AGAP1: variants seen among roughly 807,000 people sequenced by gnomAD.
The protein encoded by AGAP1 is ArfGAP with GTPase domain, ankyrin repeat and PH domain 1, also known as arf-GAP with GTPase, ANK repeat and PH domain-containing protein 1.
Under a neutral mutation model 105.3 loss-of-function variants are expected in AGAP1, and 29 were observed. The ratio of observed to expected loss-of-function variants is 0.28; its 90% CI spans 0.21 to 0.38. The LOEUF (loss-of-function observed/expected upper bound fraction) is 0.38, where lower values mean the gene tolerates loss of function less well. AGAP1 is among the 10% of genes least tolerant of loss of function. The pLI, the probability that AGAP1 is intolerant of heterozygous loss-of-function variation, is 1.00. For synonymous variants in AGAP1, 509 were observed against 485.9 expected (o/e 1.05, Z -0.63); for missense variants, 998 against 1,165.1 (o/e 0.86, Z 2.09).
At chr2:235,667,325 A>G (rs2149348522) in intron 1 of AGAP1, among the ~76,000 whole-genome samples, 1 of 152,316 alleles carries the variant, frequency 6.6e-6, no homozygotes, top group East Asian at 1.9e-4. Flanking sequence ...AGTCTGTGAA[A>G]GTTTGCTAAA....
chr2:235,591,964 G>GC (rs1385992186), intron 1 of AGAP1, among the ~76,000 whole-genome samples: 5 of 151,520 alleles, frequency 3.3e-5, no homozygotes, highest in Non-Finnish European at 7.4e-5. Context: ...AAGAGCAGAT[G>GC]CTGCTACCAG....
chr2:235,983,860 T>A lies in AGAP1; in HGVS notation c.1645+15237T>A, dbSNP rs1305099894. On this transcript the variant is annotated intron_variant, in intron 13 of 17. Transcript: ENST00000304032. The surrounding 1 kb of genome is among the most constrained non-coding windows in gnomAD (Gnocchi z 4.5). ...ATGACAAAATCGCCTAACGACACAT[T>A]TCTCAGAATGCATCACTTAACGATG... Among the ~76,000 whole-genome samples the A allele has an allele frequency of 6.6e-6, 1 of 152,222 alleles. No individual in the cohort carries two copies. Among genetic ancestry groups the A allele is most frequent in the Non-Finnish European group, 1.5e-5 (1 of 68,028 alleles).
At chr2:236,074,250 G>A (rs2058579589) in intron 16 of AGAP1, among the ~76,000 whole-genome samples, 1 of 152,202 alleles carries the variant, frequency 6.6e-6, no homozygotes, top group African/African-American at 2.4e-5. Flanking sequence ...CCCTCTGCAA[G>A]GGAGAGGCTA....
Position 235,905,284 on chromosome 2 carries a change from G to A in AGAP1, c.1156-3454G>A, listed in dbSNP as rs1575744268. 6.6e-6 allele frequency among the ~76,000 whole-genome samples: 1 copy of A among 152,126 alleles called. No individual in the cohort carries two copies. The highest frequency in any genetic ancestry group is 1.5e-5 in the Non-Finnish European group (1 of 68,032). On this transcript the variant is annotated intron_variant, in intron 10 of 17. Transcript: ENST00000304032. This position sits in a 1 kb window ranked among gnomAD's most constrained non-coding sequence, Gnocchi z 4.2. ...TTGTATTTTAATTTGTTAAGAATTGGCATTAAGGAAGAAAGTTATAGCAAG... is the reference window on the plus strand; with the variant it reads ...TTGTATTTTAATTTGTTAAGAATTGACATTAAGGAAGAAAGTTATAGCAAG...
chr2:235,627,963 G>C (rs1488380300), intron 1 of AGAP1, among the ~76,000 whole-genome samples: 1 of 152,136 alleles, frequency 6.6e-6, no homozygotes, highest in African/African-American at 2.4e-5. Context: ...GGTGCGTTTG[G>C]TGGAAAAGAA....
intron 16 of AGAP1, among the ~76,000 whole-genome samples, chr2:236,084,768 G>A (rs1161627003): frequency 1.3e-5 from 2 of 151,948 alleles, no homozygotes; most frequent in African/African-American, 4.8e-5. Flanking sequence ...GCCAGGCATG[G>A]TGGTGGGCGC....
intron 6 of AGAP1, among the ~76,000 whole-genome samples, chr2:235,776,767 G>T (rs114692154): frequency 3.2e-4 from 48 of 152,216 alleles, no homozygotes; most frequent in Non-Finnish European, 5.9e-4. Context: ...CTGCAAGCTC[G>T]CACCCTTTCC....
chr2:235,799,659 G>A lies in AGAP1; in HGVS notation c.957+137G>A. Reference sequence around the variant, plus strand: ...AGTGAATAACATTGATTTCTGTGGAGGACTAAGAAAATTAAGAGAAGCAAA... The same window carrying A: ...AGTGAATAACATTGATTTCTGTGGAAGACTAAGAAAATTAAGAGAAGCAAA... On this transcript the variant is annotated intron_variant, in intron 8 of 17. Transcript: ENST00000304032. The surrounding 1 kb of genome is among the most constrained non-coding windows in gnomAD (Gnocchi z 5.0). 1 of 1,037,238 alleles carries A rather than the reference G, an allele frequency of 9.6e-7. No homozygotes were observed. 64.3% of individuals were successfully genotyped at this position (1,037,238 alleles called of 1,614,324 possible).
At chr2:235,632,220 T>C (rs1018736649) in intron 1 of AGAP1, among the ~76,000 whole-genome samples, 1 of 152,336 alleles carries the variant, frequency 6.6e-6, no homozygotes, top group African/African-American at 2.4e-5. Context: ...GGGGAGTTAA[T>C]GAACTGGTTT....
chr2:236,111,951 G>A (rs928985253), intron 16 of AGAP1, among the ~76,000 whole-genome samples: 1 of 152,150 alleles, frequency 6.6e-6, no homozygotes, highest in East Asian at 1.9e-4. Flanking sequence ...GTGTTGTCAC[G>A]CGACTGGTCT....
intron 2 of AGAP1, among the ~76,000 whole-genome samples, chr2:235,713,066 G>A (rs1187942089): frequency 1.3e-5 from 2 of 152,178 alleles, no homozygotes; most frequent in Non-Finnish European, 2.9e-5. Context: ...GAGAACTTAG[G>A]GGAGAGCTTA....
At chr2:235,512,095 G>A (rs79949359) in intron 1 of AGAP1, among the ~76,000 whole-genome samples, 5 of 143,494 alleles carry the variant, frequency 3.5e-5, no homozygotes, top group African/African-American at 5.2e-5. Flanking sequence ...GTGAATGTGT[G>A]TGTGTGTGAA....
rs11347504 is a variant in AGAP1 at position 235,761,796 on chromosome 2, A to AT, written c.673+11317dup. ...TCCAGTTATTTTGAAGTTTTTTATA[A>AT]TTTTTTTTTCCTTAGGGAATATGGA... On this transcript the variant is annotated intron_variant, in intron 6 of 17. Transcript: ENST00000304032. Among the ~76,000 whole-genome samples, 14 of 151,612 alleles carry AT rather than the reference A, an allele frequency of 9.2e-5. No homozygotes were observed. The South Asian group carries it at 2.3e-3, about 25-fold the overall frequency.
At chr2:235,852,786 G>A (rs2048530671) in intron 9 of AGAP1, 1 of 1,536,422 alleles carries the variant, frequency 6.5e-7, no homozygotes. Context: ...CCGAGGGGTG[G>A]TCAGACCAGC....
Position 235,830,191 on chromosome 2 carries a change from G to A in AGAP1, c.1050+22860G>A, listed in dbSNP as rs1313785295. Among the ~76,000 whole-genome samples the A allele has an allele frequency of 1.3e-5, 2 of 152,188 alleles. No individual in the cohort carries two copies. The highest frequency in any genetic ancestry group is 2.9e-5 in the Non-Finnish European group (2 of 68,030). ...GGAGGCCCAGAAAAGATGCAGACAA[G>A]GTAGGAGTCGGCTCTGTGTGACTTC... On this transcript the variant is annotated intron_variant, in intron 9 of 17. Transcript: ENST00000304032. The surrounding 1 kb of genome is among the most constrained non-coding windows in gnomAD (Gnocchi z 5.5).
chr2:235,756,758 C>T (rs1953960211), intron 6 of AGAP1, among the ~76,000 whole-genome samples: 1 of 152,180 alleles, frequency 6.6e-6, no homozygotes, highest in African/African-American at 2.4e-5. Flanking sequence ...AGCACGAGCC[C>T]TGTTGTGAAC....
chr2:235,819,527 G>A (rs918195361), intron 9 of AGAP1, among the ~76,000 whole-genome samples: 7 of 152,016 alleles, frequency 4.6e-5, no homozygotes, highest in South Asian at 2.1e-4. Context: ...TTCCTTTCCC[G>A]CCTCACAAAT....
chr2:235,590,101 G>A (rs1945277493), intron 1 of AGAP1, among the ~76,000 whole-genome samples: 1 of 151,952 alleles, frequency 6.6e-6, no homozygotes, highest in Admixed American at 6.6e-5. Context: ...GGCTGGTCTC[G>A]AACTCCTGAC....
rs939153227 is a variant in AGAP1 at position 236,038,652 on chromosome 2, C to T, written c.1800+1937C>T. Among the ~76,000 whole-genome samples the T allele has an allele frequency of 3.9e-5, 6 of 152,112 alleles. No homozygotes were observed. The highest frequency in any genetic ancestry group is 1.4e-4 in the African/African-American group (6 of 41,414). On this transcript the variant is annotated intron_variant, in intron 14 of 17. Coordinates refer to ENST00000304032, the MANE Select transcript of AGAP1 (RefSeq NM_001037131.3). This position sits in a 1 kb window ranked among gnomAD's most constrained non-coding sequence, Gnocchi z 4.5. ...TGGAAATACTGTCCACAAGGAGTAGCGGGAGGCAAAAATACAGGCCCAGTT... is the reference window on the plus strand; with the variant it reads ...TGGAAATACTGTCCACAAGGAGTAGTGGGAGGCAAAAATACAGGCCCAGTT...
Sources: allele counts gnomAD v4.1 joint callset (sites outside exome capture counted in the v4.1 genomes callset), GRCh38; gene constraint gnomAD v4.1.1; non-coding constraint Gnocchi (gnomAD v3.1); transcripts MANE v1.5; gene names NCBI Gene and HGNC (gene_info 2026-07-23, HGNC 2026-07-21).